The following MAP2K5 variants were observed in gnomAD, a reference collection of about 807,000 sequenced individuals.
MAP2K5 encodes the protein mitogen-activated protein kinase kinase 5.
A neutral mutation model predicts 83.1 loss-of-function variants in MAP2K5; 49 were observed. That is an observed-to-expected ratio of 0.59 (90% CI 0.47 to 0.75). The LOEUF (loss-of-function observed/expected upper bound fraction) is 0.75. MAP2K5 is among the 30% of genes least tolerant of loss of function. MAP2K5 has a pLI of 0.00. For synonymous variants in MAP2K5, 202 were observed against 191.8 expected, an observed-to-expected ratio of 1.05 and a Z score of -0.44; for missense variants, 457 against 557.5, an observed-to-expected ratio of 0.82 and a Z score of 1.82.
Position 67,562,224 on chromosome 15 carries a change from T to C in MAP2K5, c.185-1059T>C, listed in dbSNP as rs1379640017. Among the ~76,000 whole-genome samples the C allele has an allele frequency of 3.3e-5, 5 of 152,234 alleles. No individual in the cohort carries two copies. The highest frequency in any genetic ancestry group is 5.9e-5 in the Non-Finnish European group (4 of 68,038). The stretch of plus-strand genomic sequence containing the variant: ...TGCATTTACAGTCTACTACATAGGC[T>C]GTCCTCACTGTTGACAAATCTTTAT... On this transcript the variant is annotated intron_variant, in intron 2 of 21. Coordinates refer to ENST00000178640, the MANE Select transcript of MAP2K5 (RefSeq NM_145160.3). The surrounding 1 kb of genome is among the most constrained non-coding windows in gnomAD (Gnocchi z 4.1).
chr15:67,624,598 T>TGTGTGTGC (rs1255741893), intron 8 of MAP2K5, among the ~76,000 whole-genome samples: 1 of 7,476 alleles, frequency 1.3e-4, no homozygotes, highest in Admixed American at 1.1e-3. Flanking sequence ...TTTGTGTGTG[T>TGTGTGTGC]GTGTGTGTGT....
intron 9 of MAP2K5, among the ~76,000 whole-genome samples, chr15:67,635,216 C>T (rs186817462): frequency 4.1e-3 from 568 of 139,804 alleles, no homozygotes; most frequent in Non-Finnish European, 5.8e-3. Flanking sequence ...GACAGAGTCT[C>T]GCTCTGTCGC....
intron 12 of MAP2K5, among the ~76,000 whole-genome samples, chr15:67,662,828 C>CT (rs1055622265): frequency 1.3e-5 from 2 of 152,076 alleles, no homozygotes; most frequent in Non-Finnish European, 2.9e-5. Context: ...TTGACCTGCC[C>CT]TTTTAATACC....
At chr15:67,598,194 G>T (rs533453525) in intron 7 of MAP2K5, among the ~76,000 whole-genome samples, 1 of 150,646 alleles carries the variant, frequency 6.6e-6, no homozygotes, top group South Asian at 2.1e-4. Context: ...GACAGAGTGA[G>T]ACTTCATCTC....
At chr15:67,630,827 T>G (rs1282434645) in intron 8 of MAP2K5, 61 bp from the exon 9 acceptor site, 1 of 1,241,066 alleles carries the variant, frequency 8.1e-7, no homozygotes, top group African/African-American at 1.5e-5. Flanking sequence ...ATTTATGTCC[T>G]TAACCATTTT....
At chr15:67,620,410 A>G (rs1385563351) in intron 8 of MAP2K5, among the ~76,000 whole-genome samples, 1 of 152,208 alleles carries the variant, frequency 6.6e-6, no homozygotes. Context: ...CTGATAAAGT[A>G]TATACCTGTG....
At chr15:67,737,195 G>A (rs2089360447) in intron 17 of MAP2K5, among the ~76,000 whole-genome samples, 2 of 152,184 alleles carry the variant, frequency 1.3e-5, no homozygotes, top group Non-Finnish European at 1.5e-5. Flanking sequence ...GTCCCAGGAT[G>A]CTCTGTGCCT....
chr15:67,558,407 G>A (rs555001796), intron 2 of MAP2K5, among the ~76,000 whole-genome samples: 11 of 152,244 alleles, frequency 7.2e-5, no homozygotes, highest in East Asian at 1.9e-4. Flanking sequence ...ATCTCTCACC[G>A]GGATTAGGAC....
chr15:67,763,216 G>T (rs539273827), intron 19 of MAP2K5, among the ~76,000 whole-genome samples: 17 of 152,098 alleles, frequency 1.1e-4, no homozygotes, highest in African/African-American at 3.9e-4. Flanking sequence ...CCGAGAAGTA[G>T]GTCAGTTCTA....
intron 17 of MAP2K5, among the ~76,000 whole-genome samples, chr15:67,745,557 ATATG>A (rs1349772145): frequency 2.0e-5 from 3 of 152,246 alleles, no homozygotes. Flanking sequence ...GCAGTGAAAA[ATATG>A]CCTAATATAA....
At chr15:67,680,536 A>G (rs1426114210) in intron 13 of MAP2K5, among the ~76,000 whole-genome samples, 1 of 152,188 alleles carries the variant, frequency 6.6e-6, no homozygotes, top group Non-Finnish European at 1.5e-5. Context: ...TTTATGTTTA[A>G]GTTTTAAAGA....
In MAP2K5 at chr15:67,768,874, A is replaced by G. The variant is rs2090091664; in HGVS notation, c.1135-728A>G. Among the ~76,000 whole-genome samples the G allele has an allele frequency of 6.6e-6, 1 of 152,182 alleles. No homozygotes were observed. Among genetic ancestry groups the G allele is most frequent in the African/African-American group, 2.4e-5 (1 of 41,438 alleles). ...TTAAAGCCTTCCTTTGCAAACGGTAATGGGGTTTGCTCTTTGTATTATGTG... is the reference window on the plus strand; with the variant it reads ...TTAAAGCCTTCCTTTGCAAACGGTAGTGGGGTTTGCTCTTTGTATTATGTG... On this transcript the variant is annotated intron_variant, in intron 19 of 21. Coordinates refer to ENST00000178640, the MANE Select transcript of MAP2K5 (RefSeq NM_145160.3). The surrounding 1 kb of genome is among the most constrained non-coding windows in gnomAD (Gnocchi z 4.0).
intron 21 of MAP2K5, among the ~76,000 whole-genome samples, chr15:67,804,472 C>G (rs540277443): frequency 6.6e-6 from 1 of 152,178 alleles, no homozygotes; most frequent in Non-Finnish European, 1.5e-5. Context: ...CAGGAGAGGC[C>G]GGCATCTCCA....
At chr15:67,697,224 A>G (rs1198371400) in intron 15 of MAP2K5, among the ~76,000 whole-genome samples, 1 of 152,186 alleles carries the variant, frequency 6.6e-6, no homozygotes, top group Non-Finnish European at 1.5e-5. Context: ...ATATTCATGC[A>G]TACTTCTGTA....
chr15:67,544,100 A>G (rs898697525), intron 1 of MAP2K5, among the ~76,000 whole-genome samples: 5 of 152,192 alleles, frequency 3.3e-5, no homozygotes, highest in Non-Finnish European at 5.9e-5. Flanking sequence ...AGGTATTGCC[A>G]TGTTGCCCAG....
intron 17 of MAP2K5, among the ~76,000 whole-genome samples, chr15:67,737,413 G>C (rs1433157345): frequency 6.6e-6 from 1 of 152,182 alleles, no homozygotes; most frequent in Non-Finnish European, 1.5e-5. Flanking sequence ...GCCGAGCTTT[G>C]TTTGAGCATA....
intron 13 of MAP2K5, among the ~76,000 whole-genome samples, chr15:67,679,325 T>A (rs923687378): frequency 2.0e-5 from 3 of 152,184 alleles, no homozygotes; most frequent in African/African-American, 7.2e-5. Context: ...GAGGCAGTTA[T>A]GGGTGGCAAC....
rs550584177 is a variant in MAP2K5 at position 67,598,366 on chromosome 15, AT to A, written c.481-2314del. 1.4e-4 allele frequency among the ~76,000 whole-genome samples: 21 copies of A among 152,272 alleles called. No individual in the cohort carries two copies. In the East Asian group the frequency reaches 2.5e-3, roughly 18 times the overall value. On this transcript the variant is annotated intron_variant, in intron 7 of 21. Transcript: ENST00000178640. ...GTTCCAGAACTTGCTCTTCAAAACCATTTTTATCTTTATGAGACTCTTGCAA... is the reference window on the plus strand; with the variant it reads ...GTTCCAGAACTTGCTCTTCAAAACCATTTTATCTTTATGAGACTCTTGCAA...
In MAP2K5 at chr15:67,802,658, A is replaced by G. The variant is rs1049197824; in HGVS notation, c.1243-3988A>G. 3.3e-5 allele frequency among the ~76,000 whole-genome samples: 5 copies of G among 152,204 alleles called. No individual in the cohort carries two copies. The highest frequency in any genetic ancestry group is 1.2e-4 in the African/African-American group (5 of 41,458). On this transcript the variant is annotated intron_variant, in intron 21 of 21. Transcript: ENST00000178640. This position sits in a 1 kb window ranked among gnomAD's most constrained non-coding sequence, Gnocchi z 5.0. ...GTTCCACAGACATGGCTGTGCAGAA[A>G]TGGTGCTAACATGCTTTCCGCGTGA...
Sources: allele counts gnomAD v4.1 joint callset (sites outside exome capture counted in the v4.1 genomes callset), GRCh38; gene constraint gnomAD v4.1.1; non-coding constraint Gnocchi (gnomAD v3.1); transcripts MANE v1.5; gene names NCBI Gene and HGNC (gene_info 2026-07-23, HGNC 2026-07-21).